The following FSCN2 variants were observed in gnomAD, a reference collection of about 807,000 sequenced individuals.
The protein encoded by FSCN2 is fascin actin-bundling protein 2, retinal, also known as fascin-2.
A neutral mutation model predicts 37.8 loss-of-function variants in FSCN2; 46 were observed. The observed-to-expected ratio is 1.22, with a 90% CI of 0.96 to 1.56. FSCN2 has a LOEUF of 1.56. Among genes scored for constraint, FSCN2 ranks in the 40% most tolerant of loss-of-function variants. The pLI, the probability that FSCN2 is intolerant of heterozygous loss-of-function variation, is 0.00. For synonymous variants in FSCN2, 351 were observed against 309.4 expected, an observed-to-expected ratio of 1.13 and a Z score of -1.41; for missense variants, 844 against 730.4, an observed-to-expected ratio of 1.16 and a Z score of -1.79.
chr17:81,533,473 G>T (rs2032761770), intron 1 of FSCN2, among the ~76,000 whole-genome samples: 1 of 152,198 alleles, frequency 6.6e-6, no homozygotes, highest in African/African-American at 2.4e-5. Context: ...ACTCTCCTGG[G>T]TCAGCTCTGA....
chr17:81,536,634 A>G lies in FSCN2; in HGVS notation c.1118A>G (p.Glu373Gly). 1.9e-6 allele frequency: 3 copies of G among 1,610,138 alleles called. No homozygotes were observed. The highest frequency in any genetic ancestry group is 2.5e-6 in the Non-Finnish European group (3 of 1,179,660). ...AISDFVGKDEEFTLKLINRPI... is the reference protein window; with the variant it reads ...AISDFVGKDEGFTLKLINRPI... ...CTCTCCCCGCCAGGCAAGGACGAAG[A>G]GTTCACCCTCAAGCTCATCAACCGG... The change falls in exon 4 of 5, where the codon GAG becomes GGG. Residue 373 changes from glutamate to glycine, a missense_variant. Glu to Gly is a moderately conservative substitution (Grantham distance 98). Coordinates refer to ENST00000417245, the MANE Select transcript of FSCN2 (RefSeq NM_012418.4).
At chr17:81,526,773 G>T (rs993215049), upstream of FSCN2, among the ~76,000 whole-genome samples, 1 of 152,200 alleles carries the variant, frequency 6.6e-6, no homozygotes, top group African/African-American at 2.4e-5. Context: ...GTGTGTGTGG[G>T]CATCGTCTCT....
At chr17:81,531,147 A>G (rs566745666) in intron 1 of FSCN2, among the ~76,000 whole-genome samples, 1 of 140,330 alleles carries the variant, frequency 7.1e-6, no homozygotes, top group African/African-American at 2.6e-5. Flanking sequence ...AGCAGCGACA[A>G]TGATGGTGAT....
chr17:81,526,575 G>A (rs1307723509), upstream of FSCN2, among the ~76,000 whole-genome samples: 1 of 152,250 alleles, frequency 6.6e-6, no homozygotes, highest in Non-Finnish European at 1.5e-5. Flanking sequence ...AGTGAGCCAA[G>A]ATTGCGCCAC....
At chr17:81,517,695 G>T in the FSCN2 span, among the ~76,000 whole-genome samples, 3 of 152,032 alleles carry the variant, frequency 2.0e-5, no homozygotes, top group Non-Finnish European at 2.9e-5. Context: ...TCCCAGAGCC[G>T]CACGGAGTGG....
the FSCN2 span, among the ~76,000 whole-genome samples, chr17:81,516,347 A>C: frequency 6.6e-6 from 1 of 152,256 alleles, no homozygotes; most frequent in East Asian, 1.9e-4. Flanking sequence ...AAACCTTCCC[A>C]CTGTCTTTGC....
In FSCN2 at chr17:81,529,220, C is replaced by T. The variant is rs942130563; in HGVS notation, c.689C>T (p.Ala230Val). 8 of 1,599,710 alleles carry T rather than the reference C, an allele frequency of 5.0e-6. No individual in the cohort carries two copies. Among genetic ancestry groups the T allele is most frequent in the African/African-American group, 2.7e-5 (2 of 74,636 alleles). ...AAGGACTGCGACGGCCACTACCTGG[C>T]ACCCGTGGGGCCCGCAGGCACCCTC... ...AFKDCDGHYL[A>V]PVGPAGTLKA... The change falls in exon 1 of 5, where the codon GCA (alanine) becomes GTA (valine). Residue 230 changes from alanine to valine, a missense_variant. By Grantham distance (64) the Ala-to-Val change is moderately conservative. Coordinates refer to ENST00000417245, the MANE Select transcript of FSCN2 (RefSeq NM_012418.4).
upstream of FSCN2, among the ~76,000 whole-genome samples, chr17:81,528,229 G>A (rs558585534): frequency 6.6e-6 from 1 of 152,248 alleles, no homozygotes; most frequent in African/African-American, 2.4e-5. Flanking sequence ...CGGGCTCTGG[G>A]CTCTGTGCAA....
At chr17:81,518,766 A>G in the FSCN2 span, among the ~76,000 whole-genome samples, 4 of 152,160 alleles carry the variant, frequency 2.6e-5, no homozygotes, top group Non-Finnish European at 5.9e-5. Context: ...AGCTCTGCAG[A>G]GCGACTAGGT....
In FSCN2 at chr17:81,534,974, G is replaced by T. The variant is rs996215881; in HGVS notation, c.827-78G>T. The T allele has an allele frequency of 9.1e-6, 10 of 1,095,974 alleles. No individual in the cohort carries two copies. In the Admixed American group the frequency reaches 2.3e-4, roughly 26 times the overall value. 67.9% of individuals were successfully genotyped at this position (1,095,974 alleles called of 1,614,324 possible). ...ATGAGACCCACCTCTGGCTTCAGGG[G>T]TGCCCCCCAAAATATGCCCCCTCCC... On this transcript the variant is annotated intron_variant, in intron 1 of 4. Coordinates refer to ENST00000417245, the MANE Select transcript of FSCN2 (RefSeq NM_012418.4).
rs782518936 is a variant in FSCN2 at position 81,528,540 on chromosome 17, G to A, written c.9G>A (p.Thr3=). 11 of 1,594,628 alleles carry A rather than the reference G, an allele frequency of 6.9e-6. No individual in the cohort carries two copies. The highest frequency in any genetic ancestry group is 3.4e-5 in the South Asian group (3 of 88,580). The stretch of plus-strand genomic sequence containing the variant: ...ACCCGGCCAGCCTGAAGATGCCGAC[G>A]AACGGCCTGCACCAGGTGCTGAAGA... MP[T]NGLHQVLKIQ... is the part of the protein sequence containing the mutation. Residue 3 remains threonine (T), a synonymous_variant, in exon 1 of 5, where the codon ACG becomes ACA. Coordinates refer to ENST00000417245, the MANE Select transcript of FSCN2 (RefSeq NM_012418.4).
intron 2 of FSCN2, among the ~76,000 whole-genome samples, chr17:81,535,671 ACCATCCCCATCTCCATCCC>A: frequency 2.4e-5 from 1 of 42,474 alleles, no homozygotes; most frequent in African/African-American, 9.9e-5. Flanking sequence ...CTCCATCCCC[ACCATCCCCATCTCCATCCC>A]CATCTCTGCC....
chr17:81,525,384 C>G (rs1342815566), upstream of FSCN2, among the ~76,000 whole-genome samples: 4 of 141,240 alleles, frequency 2.8e-5, no homozygotes, highest in East Asian at 3.9e-4. Context: ...TGAGATCACG[C>G]CACTGCACCC....
At chr17:81,528,219 C>CGGGCTCT (rs1193931944), upstream of FSCN2, among the ~76,000 whole-genome samples, 2 of 152,222 alleles carry the variant, frequency 1.3e-5, no homozygotes, top group Non-Finnish European at 2.9e-5. Context: ...CTCAGGCCCT[C>CGGGCTCT]GGGCTCTGGG....
chr17:81,528,903 C>A lies in FSCN2; in HGVS notation c.372C>A (p.Ala124=). The A allele has an allele frequency of 6.3e-7, 1 of 1,585,206 alleles. No individual in the cohort carries two copies. The highest frequency in any genetic ancestry group is 1.1e-5 in the South Asian group (1 of 87,430). Reference sequence around the variant, plus strand: ...ACCAGCTGTCCTGCTTCGCCACAGCCGTTTCCCCGGCCGAGCTGTGGACCG... The same window carrying A: ...ACCAGCTGTCCTGCTTCGCCACAGCAGTTTCCCCGGCCGAGCTGTGGACCG... ...TEDQLSCFAT[A]VSPAELWTVH... is the part of the protein sequence containing the mutation. The change falls in exon 1 of 5, where the codon GCC becomes GCA. Residue 124 remains alanine (A), a synonymous_variant. Transcript: ENST00000417245.
the FSCN2 span, among the ~76,000 whole-genome samples, chr17:81,520,895 GT>G: frequency 6.6e-6 from 1 of 152,070 alleles, no homozygotes; most frequent in Non-Finnish European, 1.5e-5. Flanking sequence ...CTGTTCTTCT[GT>G]TTTGGGATTT....
At chr17:81,525,668 T>C (rs1175940347), upstream of FSCN2, among the ~76,000 whole-genome samples, 3 of 152,066 alleles carry the variant, frequency 2.0e-5, no homozygotes, top group Admixed American at 6.6e-5. Context: ...GAGGTTGCAG[T>C]GAGCCAAGAT....
chr17:81,524,371 C>G (rs2032286577), upstream of FSCN2, among the ~76,000 whole-genome samples: 1 of 152,208 alleles, frequency 6.6e-6, no homozygotes, highest in African/African-American at 2.4e-5. Flanking sequence ...CAAACAGCCT[C>G]TCACTGCCCA....
intron 1 of FSCN2, among the ~76,000 whole-genome samples, chr17:81,531,312 GTGGTGATGATGGTGGTGGTGGTGA>G (rs2032561349): frequency 1.7e-5 from 1 of 59,952 alleles, no homozygotes; most frequent in African/African-American, 8.1e-5. Context: ...GATGGTGGTG[GTGGTGATGATGGTGGTGGTGGTGA>G]TGGTGGTGGT....
Sources: allele counts gnomAD v4.1 joint callset (sites outside exome capture counted in the v4.1 genomes callset), GRCh38; gene constraint gnomAD v4.1.1; transcripts MANE v1.5; gene names NCBI Gene and HGNC (gene_info 2026-07-23, HGNC 2026-07-21).